AP2A2: variants seen among roughly 807,000 people sequenced by gnomAD.
The protein encoded by AP2A2 is AP-2 complex subunit alpha-2.
A neutral mutation model predicts 104.2 loss-of-function variants in AP2A2; 32 were observed. The observed-to-expected ratio is 0.31, with a 90% CI of 0.23 to 0.41. The LOEUF (loss-of-function observed/expected upper bound fraction) is 0.41. Among genes scored for constraint, AP2A2 ranks in the 10% least tolerant of loss-of-function variants. AP2A2 has a pLI of 1.00. For synonymous variants in AP2A2, 539 were observed against 533.3 expected, an observed-to-expected ratio of 1.01 and a Z score of -0.15; for missense variants, 912 against 1,261.0, an observed-to-expected ratio of 0.72 and a Z score of 4.19.
chr11:1,002,675 G>C (rs550418010), intron 15 of AP2A2, among the ~76,000 whole-genome samples: 2 of 152,394 alleles, frequency 1.3e-5, no homozygotes, highest in East Asian at 3.9e-4. Flanking sequence ...TGCTTCCTCT[G>C]TCTTCCTGGC....
In AP2A2 at chr11:988,689, T is replaced by G; in HGVS notation, c.1269T>G (p.Ile423Met). ...ETADYSIREE[I>M]VLKVAILAEK... ...CTGACTACTCCATCCGAGAAGAGAT[T>G]GTGAGTTCTGGTGGCCTCTGAGTCC... The change falls in exon 10 of 22, where the codon ATT (isoleucine) becomes ATG (methionine). Residue 423 changes from isoleucine to methionine, a missense_variant and splice_region_variant. Ile to Met is a conservative substitution (Grantham distance 10). Coordinates refer to ENST00000448903, the MANE Select transcript of AP2A2 (RefSeq NM_012305.4). 1 of 1,613,418 alleles carries G rather than the reference T, an allele frequency of 6.2e-7. No individual in the cohort carries two copies. The highest frequency in any genetic ancestry group is 8.5e-7 in the Non-Finnish European group (1 of 1,179,824).
At chr11:929,658 T>A (rs964917892) in intron 1 of AP2A2, among the ~76,000 whole-genome samples, 1 of 152,198 alleles carries the variant, frequency 6.6e-6, no homozygotes, top group Non-Finnish European at 1.5e-5. Flanking sequence ...TAGCCAGGCG[T>A]GGTGGCACGC....
chr11:978,953 G>A (rs1284003290), intron 5 of AP2A2, among the ~76,000 whole-genome samples: 1 of 152,084 alleles, frequency 6.6e-6, no homozygotes, highest in African/African-American at 2.4e-5. Context: ...CCGAGCCTTG[G>A]GTCTGTAGCC....
intron 1 of AP2A2, among the ~76,000 whole-genome samples, chr11:959,171 G>A (rs1854341238): frequency 6.6e-6 from 1 of 152,248 alleles, no homozygotes; most frequent in Non-Finnish European, 1.5e-5. Flanking sequence ...TGGGTGCGCA[G>A]CGGCTGGCCC....
At chr11:978,377 T>C (rs1855125114) in intron 5 of AP2A2, among the ~76,000 whole-genome samples, 1 of 152,050 alleles carries the variant, frequency 6.6e-6, no homozygotes, top group Non-Finnish European at 1.5e-5. Flanking sequence ...TCACCCTGAG[T>C]GCTTTTCAGG....
chr11:995,138 A>G (rs549659469), intron 14 of AP2A2, among the ~76,000 whole-genome samples: 1 of 152,274 alleles, frequency 6.6e-6, no homozygotes, highest in South Asian at 2.1e-4. Flanking sequence ...GCCTTGTTTT[A>G]GGGGAAGTGG....
intron 6 of AP2A2, among the ~76,000 whole-genome samples, chr11:982,619 A>G (rs976703919): frequency 1.6e-4 from 25 of 151,738 alleles, no homozygotes; most frequent in Non-Finnish European, 1.8e-4. Context: ...AACTGGTAAA[A>G]ACATTTGAAC....
At chr11:991,395 G>T (rs1393017799) in intron 10 of AP2A2, among the ~76,000 whole-genome samples, 2 of 152,202 alleles carry the variant, frequency 1.3e-5, no homozygotes, top group Non-Finnish European at 2.9e-5. Flanking sequence ...CACTCCTGGG[G>T]GGCTGTGTGG....
rs778251594 is a variant in AP2A2 at position 993,747 on chromosome 11, T to C, written c.1551-7T>C. 6.3e-6 allele frequency: 10 copies of C among 1,580,750 alleles called. No homozygotes were observed. Among genetic ancestry groups the C allele is most frequent in the South Asian group, 5.7e-5 (5 of 87,152 alleles). ...GGTGTCCCTGTGTTGTGCCTCCCCGTCCCCAGCCCGCTGATCCAGTTCCAC... is the reference window on the plus strand; with the variant it reads ...GGTGTCCCTGTGTTGTGCCTCCCCGCCCCCAGCCCGCTGATCCAGTTCCAC... On this transcript the variant is annotated splice_region_variant and splice_polypyrimidine_tract_variant and intron_variant, in intron 12 of 21. Transcript: ENST00000448903. The surrounding 1 kb of genome is among the most constrained non-coding windows in gnomAD (Gnocchi z 8.2).
At chr11:976,851 G>T (rs1362740989) in intron 4 of AP2A2, among the ~76,000 whole-genome samples, 3 of 152,256 alleles carry the variant, frequency 2.0e-5, no homozygotes, top group African/African-American at 7.2e-5. Context: ...AATGTGAGCT[G>T]CATGTGGTCG....
chr11:994,048 G>T, intron 13 of AP2A2, 24 bp from the exon 14 acceptor site: 1 of 1,611,814 alleles, frequency 6.2e-7, no homozygotes, highest in Non-Finnish European at 8.5e-7. Flanking sequence ...GCTCTGACCA[G>T]TCCCACCCTG....
chr11:929,431 C>T (rs1853217982), intron 1 of AP2A2, among the ~76,000 whole-genome samples: 1 of 152,174 alleles, frequency 6.6e-6, no homozygotes, highest in Admixed American at 6.6e-5. Flanking sequence ...GCTGGATTTT[C>T]AGCTGAAATA....
chr11:988,695 TTCTGGTGGCC>T lies in AP2A2; in HGVS notation c.1269+11_1269+20del. On this transcript the variant is annotated splice_region_variant and intron_variant, in intron 10 of 21. Coordinates refer to ENST00000448903, the MANE Select transcript of AP2A2 (RefSeq NM_012305.4). ...ACTCCATCCGAGAAGAGATTGTGAG[TTCTGGTGGCC>T]TCTGAGTCCTCTCCTGCCACAGGCG... The T allele has an allele frequency of 6.2e-7, 1 of 1,613,228 alleles. No individual in the cohort carries two copies. The highest frequency in any genetic ancestry group is 8.5e-7 in the Non-Finnish European group (1 of 1,179,792).
chr11:963,013 G>A (rs2134581643), intron 2 of AP2A2, among the ~76,000 whole-genome samples: 1 of 152,190 alleles, frequency 6.6e-6, no homozygotes, highest in African/African-American at 2.4e-5. Context: ...TAGAGTATCA[G>A]TCACATTCAT....
At chr11:930,301 C>A (rs1397577756) in intron 1 of AP2A2, among the ~76,000 whole-genome samples, 1 of 152,078 alleles carries the variant, frequency 6.6e-6, no homozygotes, top group African/African-American at 2.4e-5. Context: ...GAAAAGGTGC[C>A]TCGTGTCAAG....
intron 1 of AP2A2, among the ~76,000 whole-genome samples, chr11:952,743 TG>T (rs1854094105): frequency 6.6e-6 from 1 of 152,216 alleles, no homozygotes; most frequent in African/African-American, 2.4e-5. Flanking sequence ...GGCTTGTTGC[TG>T]TGGGTCAGTT....
chr11:982,346 C>G (rs868318238), intron 6 of AP2A2, among the ~76,000 whole-genome samples: 1 of 152,164 alleles, frequency 6.6e-6, no homozygotes, highest in Non-Finnish European at 1.5e-5. Context: ...CCACCGCACC[C>G]GGCCTCTTTG....
intron 5 of AP2A2, among the ~76,000 whole-genome samples, chr11:977,437 C>T (rs1282120297): frequency 6.6e-6 from 1 of 151,006 alleles, no homozygotes; most frequent in Non-Finnish European, 1.5e-5. Context: ...TGGCTGAAGC[C>T]CTCGGGTAGC....
intron 1 of AP2A2, among the ~76,000 whole-genome samples, chr11:949,478 A>G (rs959866224): frequency 2.0e-5 from 3 of 152,138 alleles, no homozygotes; most frequent in African/African-American, 7.2e-5. Context: ...GCAACAACGT[A>G]TAAAAAGGAT....
Sources: allele counts gnomAD v4.1 joint callset (sites outside exome capture counted in the v4.1 genomes callset), GRCh38; gene constraint gnomAD v4.1.1; non-coding constraint Gnocchi (gnomAD v3.1); transcripts MANE v1.5; gene names NCBI Gene and HGNC (gene_info 2026-07-23, HGNC 2026-07-21).